Variants in MEOX2 observed in about 807,000 individuals in gnomAD.
MEOX2 encodes mesenchyme homeobox 2.
A neutral mutation model predicts 27.0 loss-of-function variants in MEOX2; 11 were observed. The observed-to-expected ratio is 0.41, with a 90% CI of 0.26 to 0.68. The LOEUF is 0.68. MEOX2 is among the 30% of genes least tolerant of loss of function. MEOX2 has a pLI of 0.33. For missense variants in MEOX2, 436 were observed against 385.4 expected, an observed-to-expected ratio of 1.13 and a Z score of -1.10; for synonymous variants, 189 against 155.4, an observed-to-expected ratio of 1.22 and a Z score of -1.61.
At chr7:15,671,273 T>C (rs1782092125) in intron 1 of MEOX2, among the ~76,000 whole-genome samples, 1 of 152,180 alleles carries the variant, frequency 6.6e-6, no homozygotes, top group African/African-American at 2.4e-5. Flanking sequence ...TATGATAAAT[T>C]AAAGAAGCAT....
intron 1 of MEOX2, chr7:15,681,424 T>A (rs1407579787): frequency 6.6e-6 from 1 of 151,746 alleles, no homozygotes; most frequent in South Asian, 2.1e-4. Context: ...TATATGGTGA[T>A]GTTTTACATA....
intron 1 of MEOX2, among the ~76,000 whole-genome samples, chr7:15,676,777 G>A (rs375293561): frequency 6.6e-6 from 1 of 151,622 alleles, no homozygotes. Flanking sequence ...AGAATCACTT[G>A]AACCCGGACA....
At chr7:15,658,971 T>C (rs1407226680) in intron 1 of MEOX2, among the ~76,000 whole-genome samples, 5 of 152,180 alleles carry the variant, frequency 3.3e-5, no homozygotes, top group African/African-American at 9.7e-5. Flanking sequence ...AAATTCCTTA[T>C]GTTCGTTTTA....
chr7:15,670,684 C>T (rs561893214), intron 1 of MEOX2, among the ~76,000 whole-genome samples: 43 of 152,090 alleles, frequency 2.8e-4, no homozygotes, highest in African/African-American at 1.0e-3. Context: ...CTTTACATAC[C>T]ATACTACATG....
intron 1 of MEOX2, among the ~76,000 whole-genome samples, chr7:15,669,419 C>G (rs949991977): frequency 1.3e-5 from 2 of 152,234 alleles, no homozygotes; most frequent in African/African-American, 4.8e-5. Context: ...CGCACACTCT[C>G]AACTCATAAA....
At chr7:15,618,936 G>A (rs953801601) in intron 2 of MEOX2, among the ~76,000 whole-genome samples, 9 of 151,864 alleles carry the variant, frequency 5.9e-5, no homozygotes, top group Non-Finnish European at 1.0e-4. Flanking sequence ...TAAAAAATTG[G>A]AAGTGACAAA....
Position 15,653,874 on chromosome 7 carries a change from T to C in MEOX2, c.518-26956A>G, listed in dbSNP as rs567475240. 2.0e-5 allele frequency among the ~76,000 whole-genome samples: 3 copies of C among 152,124 alleles called. No homozygotes were observed. The East Asian group carries it at 5.8e-4, about 29-fold the overall frequency. On this transcript the variant is annotated intron_variant, in intron 1 of 2. Coordinates refer to ENST00000262041, the MANE Select transcript of MEOX2 (RefSeq NM_005924.5). ...CTACTTCTTATCACTTCATTCTCCC[T>C]GTTCAAAATCGTTTAGCTATTCTAG...
At chr7:15,662,747 T>C (rs1781937583) in intron 1 of MEOX2, among the ~76,000 whole-genome samples, 2 of 152,174 alleles carry the variant, frequency 1.3e-5, no homozygotes, top group Admixed American at 6.5e-5. Context: ...ACTGGGAGTA[T>C]TTTTGGTAAT....
intron 1 of MEOX2, among the ~76,000 whole-genome samples, chr7:15,684,459 A>G (rs559051333): frequency 3.9e-4 from 60 of 152,342 alleles, no homozygotes; most frequent in Middle Eastern, 3.4e-3. Flanking sequence ...TCTTATAAAA[A>G]CTAATTTGTG....
chr7:15,679,091 C>T (rs1782251900), intron 1 of MEOX2: 1 of 152,076 alleles, frequency 6.6e-6, no homozygotes, highest in Admixed American at 6.6e-5. Context: ...GTAATTGGAA[C>T]ATTTATAATC....
At position 15,612,487 on chromosome 7, in the gene MEOX2, A is replaced by G; in HGVS notation, c.815T>C (p.Leu272Pro). 3.1e-6 allele frequency: 5 copies of G among 1,614,146 alleles called. No individual in the cohort carries two copies. Among genetic ancestry groups the G allele is most frequent in the Non-Finnish European group, 3.4e-6 (4 of 1,180,024 alleles). ...GAGGGTGGCTGCACCAATTCCCGAC[A>G]GCTCTGATGGGAGAAGTGTTCCCTT... ...VKKGTLLPSE[L>P]SGIGAATLQQ... Residue 272 changes from leucine to proline, a missense_variant, in exon 3 of 3, where the codon CTG (leucine) becomes CCG (proline). Coordinates refer to ENST00000262041, the MANE Select transcript of MEOX2 (RefSeq NM_005924.5).
At chr7:15,646,026 G>C (rs1781642673) in intron 1 of MEOX2, among the ~76,000 whole-genome samples, 1 of 152,032 alleles carries the variant, frequency 6.6e-6, no homozygotes, top group Non-Finnish European at 1.5e-5. Flanking sequence ...TAATATGTAA[G>C]TTAGTAGCCA....
chr7:15,620,503 G>T (rs1781205590), intron 2 of MEOX2, among the ~76,000 whole-genome samples: 1 of 152,068 alleles, frequency 6.6e-6, no homozygotes, highest in Non-Finnish European at 1.5e-5. Context: ...AACTCAGGAG[G>T]CGGAGCTTGC....
At chr7:15,682,792 A>T (rs1210771719) in intron 1 of MEOX2, among the ~76,000 whole-genome samples, 1 of 151,886 alleles carries the variant, frequency 6.6e-6, no homozygotes, top group Non-Finnish European at 1.5e-5. Context: ...CTTTGTAGTG[A>T]TTTTTTTCAG....
At chr7:15,681,736 A>G (rs1368709354) in intron 1 of MEOX2, 1 of 151,734 alleles carries the variant, frequency 6.6e-6, no homozygotes, top group Non-Finnish European at 1.5e-5. Context: ...AGCTTATAAG[A>G]TGTCATTGTA....
intron 2 of MEOX2, among the ~76,000 whole-genome samples, chr7:15,623,755 T>C (rs758468799): frequency 6.6e-6 from 1 of 152,270 alleles, no homozygotes; most frequent in Non-Finnish European, 1.5e-5. Flanking sequence ...AATGTTGGAA[T>C]GAAATGGTGC....
At chr7:15,628,322 T>A (rs1781347667) in intron 1 of MEOX2, among the ~76,000 whole-genome samples, 1 of 152,104 alleles carries the variant, frequency 6.6e-6, no homozygotes, top group Non-Finnish European at 1.5e-5. Flanking sequence ...TTACTTTGAT[T>A]CTTAGCAGTA....
At chr7:15,618,216 T>C (rs1440087902) in intron 2 of MEOX2, among the ~76,000 whole-genome samples, 1 of 152,066 alleles carries the variant, frequency 6.6e-6, no homozygotes, top group African/African-American at 2.4e-5. Context: ...TTCACTATTC[T>C]TAATCCCATT....
chr7:15,674,017 CAGAT>C (rs1237310171), intron 1 of MEOX2, among the ~76,000 whole-genome samples: 2 of 151,666 alleles, frequency 1.3e-5, no homozygotes, highest in African/African-American at 4.8e-5. Flanking sequence ...AGATGATAGA[CAGAT>C]AGATATAATA....
Sources: allele counts gnomAD v4.1 joint callset (sites outside exome capture counted in the v4.1 genomes callset), GRCh38; gene constraint gnomAD v4.1.1; transcripts MANE v1.5; gene names NCBI Gene and HGNC (gene_info 2026-07-23, HGNC 2026-07-21).